Variants in OR6N1 observed in about 807,000 individuals in gnomAD.
The protein encoded by OR6N1 is olfactory receptor family 6 subfamily N member 1.
For missense variants in OR6N1, 394 were observed against 371.7 expected (o/e 1.06, Z -0.49); for synonymous variants, 170 against 150.7 (o/e 1.13, Z -0.94).
the OR6N1 span, among the ~76,000 whole-genome samples, chr1:158,827,804 T>A: frequency 6.6e-6 from 1 of 152,182 alleles, no homozygotes. Context: ...AAAAAGGGCA[T>A]GTATTAGTCC....
At chr1:158,775,763 T>C (rs986016063), upstream of OR6N1, 10 of 152,194 alleles carry the variant, frequency 6.6e-5, no homozygotes, top group Non-Finnish European at 1.2e-4. Context: ...TGGCATACAT[T>C]AATAATTGAT....
chr1:158,799,511 A>G, the OR6N1 span, among the ~76,000 whole-genome samples: 1 of 152,220 alleles, frequency 6.6e-6, no homozygotes, highest in African/African-American at 2.4e-5. Context: ...AAACTCAGTC[A>G]ACATGATTAG....
At chr1:158,774,930 G>A (rs1161619373), upstream of OR6N1, 2 of 152,128 alleles carry the variant, frequency 1.3e-5, no homozygotes, top group Non-Finnish European at 2.9e-5. Flanking sequence ...CATTGTTAAA[G>A]GCCAAATATA....
chr1:158,789,596 GC>G, the OR6N1 span, among the ~76,000 whole-genome samples: 2 of 152,076 alleles, frequency 1.3e-5, no homozygotes, highest in African/African-American at 2.4e-5. Flanking sequence ...GTGAGGTTGA[GC>G]TTTTTATTTC....
chr1:158,777,358 G>T, the OR6N1 span: 1 of 1,614,086 alleles, frequency 6.2e-7, no homozygotes, highest in South Asian at 1.1e-5. Context: ...TCCTGCAAAA[G>T]AAATGGTTTT....
At chr1:158,800,199 T>A in the OR6N1 span, among the ~76,000 whole-genome samples, 1 of 152,156 alleles carries the variant, frequency 6.6e-6, no homozygotes, top group Non-Finnish European at 1.5e-5. Flanking sequence ...CTCAGTGACT[T>A]CCTGGTGGAA....
At chr1:158,791,215 A>AT in the OR6N1 span, among the ~76,000 whole-genome samples, 6 of 152,106 alleles carry the variant, frequency 3.9e-5, no homozygotes, top group South Asian at 6.2e-4. Context: ...GCAATCTACA[A>AT]TTTTTTGATA....
chr1:158,793,210 A>G, the OR6N1 span, among the ~76,000 whole-genome samples: 1 of 148,184 alleles, frequency 6.7e-6, no homozygotes, highest in East Asian at 2.0e-4. Flanking sequence ...GTTGATTTTC[A>G]TTTTTCTTTT....
chr1:158,807,149 T>C, the OR6N1 span, among the ~76,000 whole-genome samples: 1 of 151,974 alleles, frequency 6.6e-6, no homozygotes, highest in Non-Finnish European at 1.5e-5. Flanking sequence ...TCAGCTGAAG[T>C]GGATTTAGGG....
the OR6N1 span, among the ~76,000 whole-genome samples, chr1:158,828,194 A>T: frequency 6.6e-6 from 1 of 152,062 alleles, no homozygotes; most frequent in Non-Finnish European, 1.5e-5. Flanking sequence ...GCCCCTCCCA[A>T]ATCTCATATC....
chr1:158,783,350 C>T, the OR6N1 span, among the ~76,000 whole-genome samples: 2 of 152,218 alleles, frequency 1.3e-5, no homozygotes, highest in African/African-American at 4.8e-5. Context: ...TGGTTCATCA[C>T]TGTTTCTCTC....
the OR6N1 span, among the ~76,000 whole-genome samples, chr1:158,834,664 G>A: frequency 1.3e-5 from 2 of 152,124 alleles, no homozygotes; most frequent in South Asian, 4.1e-4. Flanking sequence ...GTTGTTGCCT[G>A]TGCCATCGGT....
At chr1:158,793,179 GT>G in the OR6N1 span, among the ~76,000 whole-genome samples, 78 of 147,390 alleles carry the variant, frequency 5.3e-4, no homozygotes, top group Middle Eastern at 3.5e-3. Flanking sequence ...ATATCCTGAA[GT>G]TTTTTTTTTA....
the OR6N1 span, among the ~76,000 whole-genome samples, chr1:158,799,580 C>G: frequency 6.6e-6 from 1 of 152,178 alleles, no homozygotes; most frequent in African/African-American, 2.4e-5. Context: ...AATCTACCTA[C>G]TAACTAATGT....
the OR6N1 span, among the ~76,000 whole-genome samples, chr1:158,811,674 A>C: frequency 2.0e-5 from 3 of 152,218 alleles, no homozygotes; most frequent in Non-Finnish European, 4.4e-5. Context: ...ATGGTTTGAA[A>C]TTTAGGAATC....
chr1:158,815,729 C>A, the OR6N1 span, among the ~76,000 whole-genome samples: 1 of 152,170 alleles, frequency 6.6e-6, no homozygotes, highest in South Asian at 2.1e-4. Flanking sequence ...ACATGCTTTA[C>A]ATGTTTATAA....
intron 1 of OR6N1, among the ~76,000 whole-genome samples, chr1:158,768,180 A>C (rs1657326277): frequency 6.7e-6 from 1 of 149,192 alleles, no homozygotes; most frequent in Non-Finnish European, 1.5e-5. Flanking sequence ...TATAAACTCA[A>C]CTCCTCTGCT....
chr1:158,788,952 C>T, the OR6N1 span, among the ~76,000 whole-genome samples: 7 of 151,916 alleles, frequency 4.6e-5, no homozygotes, highest in African/African-American at 1.7e-4. Context: ...TCTAAAAACC[C>T]AAAAAAGGAA....
At chr1:158,769,278 C>T (rs1266447102) in intron 1 of OR6N1, among the ~76,000 whole-genome samples, 1 of 151,992 alleles carries the variant, frequency 6.6e-6, no homozygotes, top group Non-Finnish European at 1.5e-5. Flanking sequence ...ATCCTCCCAC[C>T]TCCACCCCAC....
Sources: allele counts gnomAD v4.1 joint callset (sites outside exome capture counted in the v4.1 genomes callset), GRCh38; gene constraint gnomAD v4.1.1; transcripts MANE v1.5; gene names NCBI Gene and HGNC (gene_info 2026-07-23, HGNC 2026-07-21).